The following PLEKHG1 variants were observed in gnomAD, a reference collection of about 807,000 sequenced individuals.
PLEKHG1 encodes the protein pleckstrin homology domain-containing family G member 1.
Under a neutral mutation model 100.8 loss-of-function variants are expected in PLEKHG1, and 44 were observed. The ratio of observed to expected loss-of-function variants is 0.44; its 90% CI spans 0.34 to 0.56. PLEKHG1 has a LOEUF of 0.56. PLEKHG1 is among the 20% of genes least tolerant of loss of function. PLEKHG1 has a pLI of 0.01. For missense variants in PLEKHG1, 1,545 were observed against 1,720.9 expected, an observed-to-expected ratio of 0.90 and a Z score of 1.81; for synonymous variants, 640 against 662.5, an observed-to-expected ratio of 0.97 and a Z score of 0.52.
chr6:150,704,903 G>A (rs1003981354), intron 3 of PLEKHG1, among the ~76,000 whole-genome samples: 2 of 152,180 alleles, frequency 1.3e-5, no homozygotes, highest in Non-Finnish European at 1.5e-5. Context: ...TTTGCATAGA[G>A]AGAGAGCAAG....
intron 3 of PLEKHG1, among the ~76,000 whole-genome samples, chr6:150,783,463 A>G (rs1785440642): frequency 6.6e-6 from 1 of 151,306 alleles, no homozygotes; most frequent in African/African-American, 2.4e-5. Context: ...TCTGCCTCCC[A>G]GGCTCAAGTG....
intron 1 of PLEKHG1, among the ~76,000 whole-genome samples, chr6:150,601,893 C>T (rs1438316718): frequency 6.6e-6 from 1 of 152,200 alleles, no homozygotes; most frequent in Non-Finnish European, 1.5e-5. Flanking sequence ...GGGGCACCAG[C>T]TTCCTTCAAT....
Position 150,795,947 on chromosome 6 carries a change from A to G in PLEKHG1, c.629+45A>G, listed in dbSNP as rs759930339. The stretch of plus-strand genomic sequence containing the variant: ...CAAGAGTACTTTTGTTCACTTTCAC[A>G]TTGTTTCAAGTCAGCTGGTGCAGTA... On this transcript the variant is annotated intron_variant, in intron 5 of 15. Coordinates refer to ENST00000358517, the Ensembl canonical transcript of PLEKHG1. The G allele has an allele frequency of 2.4e-6, 3 of 1,273,376 alleles. No individual in the cohort carries two copies. In the South Asian group the frequency reaches 3.6e-5, roughly 15 times the overall value. The allele number at this position is 1,273,376 out of a possible 1,614,324, so 78.9% of individuals were successfully genotyped here.
intron 14 of PLEKHG1, among the ~76,000 whole-genome samples, chr6:150,828,626 A>G (rs1036940644): frequency 3.3e-5 from 5 of 152,108 alleles, no homozygotes; most frequent in Admixed American, 3.3e-4. Flanking sequence ...GCAAAAAAAA[A>G]AAAGATACTT....
intron 3 of PLEKHG1, among the ~76,000 whole-genome samples, chr6:150,694,519 G>A: frequency 6.6e-6 from 1 of 152,004 alleles, no homozygotes; most frequent in Non-Finnish European, 1.5e-5. Context: ...TGTCAACATG[G>A]TGAAACCCCG....
rs1358896134 is a variant in PLEKHG1, at chr6:150,756,874, T to C, written c.412-11764T>C. ...GTTGCTGTGAGATAATCTATACTAC[T>C]GTTCCTGTCTCAGTAAAATTAGATG... On this transcript the variant is annotated intron_variant, in intron 2 of 15. Coordinates refer to ENST00000358517, the Ensembl canonical transcript of PLEKHG1. Among the ~76,000 whole-genome samples the C allele has an allele frequency of 1.3e-5, 2 of 152,256 alleles. 1 individual carries two copies. Among genetic ancestry groups the C allele is most frequent in the East Asian group, 3.8e-4 (2 of 5,202 alleles).
intron 1 of PLEKHG1, among the ~76,000 whole-genome samples, chr6:150,610,819 A>G (rs931854057): frequency 2.0e-5 from 3 of 152,212 alleles, no homozygotes; most frequent in Admixed American, 2.0e-4. Flanking sequence ...GCTCTGTAAT[A>G]TGTATGTTTC....
Position 150,620,750 on chromosome 6 carries a change from G to A in PLEKHG1, c.-203-17330G>A, listed in dbSNP as rs1777263854. On this transcript the variant is annotated intron_variant, in intron 1 of 3. Coordinates refer to the PLEKHG1 transcript ENST00000367326. ...CATCAATCAGTTGCACCATGCATTT[G>A]GGATATAAGGGAGACAGAACGGAGG... Among the ~76,000 whole-genome samples the A allele has an allele frequency of 2.6e-5, 4 of 152,278 alleles. No homozygotes were observed. In the South Asian group the frequency reaches 6.2e-4, roughly 24 times the overall value.
At chr6:150,655,082 G>A (rs1239427567) in intron 3 of PLEKHG1, among the ~76,000 whole-genome samples, 2 of 152,178 alleles carry the variant, frequency 1.3e-5, no homozygotes, top group Non-Finnish European at 2.9e-5. Flanking sequence ...CAGAATTACA[G>A]CATTCAGAAA....
At chr6:150,815,978 C>T (rs1787841163) in intron 10 of PLEKHG1, among the ~76,000 whole-genome samples, 2 of 152,122 alleles carry the variant, frequency 1.3e-5, no homozygotes, top group South Asian at 4.1e-4. Flanking sequence ...GATGAAAGCA[C>T]ATTACGTTTA....
At chr6:150,687,701 A>T (rs62434129) in intron 3 of PLEKHG1, among the ~76,000 whole-genome samples, 13,463 of 152,228 alleles carry the variant, frequency 0.088, 676 homozygotes, top group South Asian at 0.16. Flanking sequence ...CATAGAAGTC[A>T]TAGACTCCCA....
intron 3 of PLEKHG1, among the ~76,000 whole-genome samples, chr6:150,669,130 A>G (rs762080308): frequency 1.1e-4 from 17 of 152,220 alleles, no homozygotes; most frequent in East Asian, 1.9e-4. Flanking sequence ...TTTTAACTCA[A>G]ACATTTGCAC....
intron 2 of PLEKHG1, among the ~76,000 whole-genome samples, chr6:150,747,507 C>T (rs956292060): frequency 3.9e-5 from 6 of 152,176 alleles, no homozygotes; most frequent in African/African-American, 1.4e-4. Flanking sequence ...TGTTTTGCCA[C>T]TTAAAGGGAA....
chr6:150,702,413 A>G (rs1780827194), intron 3 of PLEKHG1, among the ~76,000 whole-genome samples: 2 of 152,076 alleles, frequency 1.3e-5, no homozygotes, highest in African/African-American at 4.8e-5. Context: ...GAGGTTGCAG[A>G]GAGCCAAGAT....
intron 3 of PLEKHG1, among the ~76,000 whole-genome samples, chr6:150,703,045 T>C (rs1780862469): frequency 6.6e-6 from 1 of 152,168 alleles, no homozygotes; most frequent in Non-Finnish European, 1.5e-5. Context: ...TCCATCATTC[T>C]CCCTTTATCT....
exon 15 of PLEKHG1, chr6:150,832,034 A>C: frequency 6.2e-7 from 1 of 1,614,126 alleles, no homozygotes; most frequent in Non-Finnish European, 8.5e-7. Flanking sequence ...GACAAAAAGC[A>C]GGGTGTTTAT....
At chr6:150,608,879 C>A (rs910651104) in intron 1 of PLEKHG1, among the ~76,000 whole-genome samples, 1 of 152,086 alleles carries the variant, frequency 6.6e-6, no homozygotes, top group African/African-American at 2.4e-5. Context: ...ACAGTAAAGA[C>A]GTTATGAGGT....
chr6:150,762,795 G>A (rs1195142132), intron 2 of PLEKHG1, among the ~76,000 whole-genome samples: 4 of 152,008 alleles, frequency 2.6e-5, no homozygotes, highest in African/African-American at 7.2e-5. Context: ...ACTTAAGATT[G>A]GACTTCTGAT....
At chr6:150,740,686 C>G (rs768690810) in intron 2 of PLEKHG1, among the ~76,000 whole-genome samples, 2 of 152,166 alleles carry the variant, frequency 1.3e-5, no homozygotes, top group Non-Finnish European at 2.9e-5. Flanking sequence ...CACTGTGGTA[C>G]TTGGCATCAT....
Sources: gnomAD v4.1 joint callset for allele counts (sites outside exome capture counted in the v4.1 genomes callset) on GRCh38, gnomAD v4.1.1 for gene constraint, MANE v1.5 for transcripts, NCBI Gene and HGNC (gene_info 2026-07-23, HGNC 2026-07-21) for gene names.